The following SAMD4A variants were observed in gnomAD, a reference collection of about 807,000 sequenced individuals.
The protein encoded by SAMD4A is sterile alpha motif domain containing 4A.
A neutral mutation model predicts 81.3 loss-of-function variants in SAMD4A; 33 were observed. The observed-to-expected ratio is 0.41, with a 90% CI of 0.31 to 0.54. The LOEUF (loss-of-function observed/expected upper bound fraction) is 0.54. SAMD4A is among the 20% of genes least tolerant of loss of function. SAMD4A has a pLI of 0.37. For missense variants in SAMD4A, 854 were observed against 951.1 expected (o/e 0.90, Z 1.34); for synonymous variants, 389 against 382.1 (o/e 1.02, Z -0.21).
At position 54,790,848 on chromosome 14, in the gene SAMD4A, G is replaced by C. The variant is rs886974808; in HGVS notation, c.*1904G>C. The C allele has an allele frequency of 2.6e-5, 4 of 151,896 alleles. No individual in the cohort carries two copies. The highest frequency in any genetic ancestry group is 1.3e-4 in the Admixed American group (2 of 15,248). 9.4% of individuals were successfully genotyped at this position (151,896 alleles called of 1,614,324 possible). A position where few individuals can be genotyped will look rare whatever the true frequency, so the allele number is the denominator to read the frequency against. On this transcript the variant is annotated 3_prime_UTR_variant, in exon 13 of 13. Coordinates refer to ENST00000554335, the MANE Select transcript of SAMD4A (RefSeq NM_015589.6). ...CTTTTACTTTCAAGATCAAAAACATGCACCCAACCCAGCCTTGGATGCCAC... is the reference window on the plus strand; with the variant it reads ...CTTTTACTTTCAAGATCAAAAACATCCACCCAACCCAGCCTTGGATGCCAC...
intron 2 of SAMD4A, among the ~76,000 whole-genome samples, chr14:54,661,113 C>A (rs1438084729): frequency 1.3e-5 from 2 of 152,152 alleles, no homozygotes; most frequent in African/African-American, 4.8e-5. Context: ...TTCCAAGCCT[C>A]AATTTCCTTA....
intron 2 of SAMD4A, among the ~76,000 whole-genome samples, chr14:54,633,534 A>C (rs570714118): frequency 6.6e-5 from 10 of 151,920 alleles, no homozygotes; most frequent in Non-Finnish European, 1.5e-4. Context: ...ATTAGTTAGG[A>C]GCTAATGCCA....
intron 2 of SAMD4A, among the ~76,000 whole-genome samples, chr14:54,640,759 T>C (rs1250702355): frequency 4.6e-5 from 7 of 152,218 alleles, no homozygotes; most frequent in Middle Eastern, 3.4e-3. Flanking sequence ...AATGAGAACA[T>C]TGCTGATTAG....
intron 11 of SAMD4A, among the ~76,000 whole-genome samples, chr14:54,777,927 G>GATAAAATTTGGGGGTTCTGAAGGCTTT (rs1380390864): frequency 5.3e-5 from 8 of 152,154 alleles, no homozygotes; most frequent in Non-Finnish European, 1.2e-4. Context: ...GAAGAAACAT[G>GATAAAATTTGGGGGTTCTGAAGGCTTT]ATAAAATTTG....
chr14:54,772,928 C>T (rs1295774820), intron 9 of SAMD4A, among the ~76,000 whole-genome samples: 1 of 152,140 alleles, frequency 6.6e-6, no homozygotes, highest in Non-Finnish European at 1.5e-5. Flanking sequence ...CCCCTCCTGG[C>T]CCTGAGTTCT....
At chr14:54,626,042 G>C (rs2034740599) in intron 2 of SAMD4A, among the ~76,000 whole-genome samples, 1 of 132,470 alleles carries the variant, frequency 7.5e-6, no homozygotes, top group Non-Finnish European at 1.6e-5. Context: ...GTGTGTGTGT[G>C]TGTGTGTGTG....
intron 2 of SAMD4A, among the ~76,000 whole-genome samples, chr14:54,610,323 T>C (rs979954458): frequency 6.6e-6 from 1 of 152,166 alleles, no homozygotes; most frequent in Non-Finnish European, 1.5e-5. Flanking sequence ...CTTTACCATG[T>C]AAAGAAGGAA....
chr14:54,769,827 G>T (rs1259538479), intron 8 of SAMD4A, among the ~76,000 whole-genome samples: 1 of 152,198 alleles, frequency 6.6e-6, no homozygotes, highest in Non-Finnish European at 1.5e-5. Flanking sequence ...CAGGAGGGAG[G>T]GGGAATGTGG....
At chr14:54,606,061 A>G (rs537435089) in intron 2 of SAMD4A, among the ~76,000 whole-genome samples, 1 of 152,320 alleles carries the variant, frequency 6.6e-6, no homozygotes, top group East Asian at 1.9e-4. Flanking sequence ...TGTTCTAAGT[A>G]CTAGGAAAGT....
chr14:54,629,748 T>G lies in SAMD4A; in HGVS notation c.196+61636T>G, dbSNP rs182143213. Among the ~76,000 whole-genome samples, 14 of 152,352 alleles carry G rather than the reference T, an allele frequency of 9.2e-5. No individual in the cohort carries two copies. The East Asian group carries it at 2.5e-3, about 27-fold the overall frequency. The stretch of plus-strand genomic sequence containing the variant: ...TTCAGTGGTATGAAGTGCATTCACA[T>G]TGTTATGCAGCCATTACCACCATCC... On this transcript the variant is annotated intron_variant, in intron 2 of 12. Transcript: ENST00000554335.
intron 2 of SAMD4A, among the ~76,000 whole-genome samples, chr14:54,665,271 T>C (rs1476577646): frequency 1.3e-5 from 2 of 152,238 alleles, no homozygotes; most frequent in Non-Finnish European, 2.9e-5. Flanking sequence ...GGTATGATCA[T>C]TGGATTCCTA....
chr14:54,737,296 C>T lies in SAMD4A; in HGVS notation c.979+9C>T, dbSNP rs1193101353. The T allele has an allele frequency of 6.2e-7, 1 of 1,613,374 alleles. No individual in the cohort carries two copies. Among genetic ancestry groups the T allele is most frequent in the Non-Finnish European group, 8.5e-7 (1 of 1,179,864 alleles). On this transcript the variant is annotated intron_variant, in intron 4 of 12. Transcript: ENST00000554335. ...AGGTAGTGGGATGAAAGGTGAGTGA[C>T]TAAATGAGAAACCACTGGGGAAAGA...
chr14:54,567,791 A>C lies in SAMD4A; in HGVS notation c.-126A>C. On this transcript the variant is annotated 5_prime_UTR_variant, in exon 2 of 13. Transcript: ENST00000554335. ...CAGGCAGTACCTGCAGCGTCCGGGC[A>C]CCAGAGCCACCTTGGAACAGGAACG... 1.0e-6 allele frequency: 1 copy of C among 958,278 alleles called. No individual in the cohort carries two copies. The allele number at this position is 958,278 out of a possible 1,614,324, so 59.4% of individuals were successfully genotyped here. A position where few individuals can be genotyped will look rare whatever the true frequency, so the allele number is the denominator to read the frequency against.
At chr14:54,647,480 C>A (rs1030477516) in intron 2 of SAMD4A, among the ~76,000 whole-genome samples, 4 of 152,220 alleles carry the variant, frequency 2.6e-5, no homozygotes, top group Non-Finnish European at 5.9e-5. Context: ...TTTTAAAGAG[C>A]TTTCTGTGCT....
chr14:54,662,788 A>T (rs533022648), intron 2 of SAMD4A, among the ~76,000 whole-genome samples: 2 of 152,060 alleles, frequency 1.3e-5, no homozygotes, highest in Non-Finnish European at 2.9e-5. Context: ...CTCCCTCAGC[A>T]CAGGGTGTGG....
At chr14:54,781,988 CGG>C (rs1263855871) in intron 11 of SAMD4A, among the ~76,000 whole-genome samples, 1 of 152,200 alleles carries the variant, frequency 6.6e-6, no homozygotes, top group African/African-American at 2.4e-5. Flanking sequence ...CAGAGCCACT[CGG>C]AGTGTTGGGG....
intron 6 of SAMD4A, among the ~76,000 whole-genome samples, chr14:54,756,942 G>C (rs1482083813): frequency 6.6e-6 from 1 of 152,196 alleles, no homozygotes. Context: ...CCTCAGCTTT[G>C]TAACAGCACG....
intron 2 of SAMD4A, among the ~76,000 whole-genome samples, chr14:54,669,270 G>C (rs1200069587): frequency 6.6e-6 from 1 of 152,052 alleles, no homozygotes; most frequent in African/African-American, 2.4e-5. Context: ...TTAGAGAAGG[G>C]GAAGCTGCTG....
At chr14:54,655,169 CATT>C (rs1315582930) in intron 2 of SAMD4A, among the ~76,000 whole-genome samples, 2 of 152,268 alleles carry the variant, frequency 1.3e-5, no homozygotes, top group East Asian at 3.9e-4. Context: ...AATATCAGCT[CATT>C]ATTTTGCGGA....
Sources: allele counts gnomAD v4.1 joint callset (sites outside exome capture counted in the v4.1 genomes callset), GRCh38; gene constraint gnomAD v4.1.1; transcripts MANE v1.5; gene names NCBI Gene and HGNC (gene_info 2026-07-23, HGNC 2026-07-21).